The following MADD variants were observed in gnomAD, a reference collection of about 807,000 sequenced individuals.
The protein encoded by MADD is MAP kinase activating death domain.
In MADD, 109 loss-of-function variants were observed where a neutral mutation model predicts 176.7. The observed-to-expected ratio is 0.62, with a 90% CI of 0.53 to 0.72. The LOEUF is 0.72. Ranked by LOEUF, MADD falls within the 30% of genes least tolerant of loss-of-function variation. MADD has a pLI of 0.00. For synonymous variants in MADD, 771 were observed against 771.3 expected (o/e 1.00, Z 0.01); for missense variants, 1,914 against 2,045.5 (o/e 0.94, Z 1.24).
At chr11:47,326,203 C>T (rs996040316) in intron 30 of MADD, among the ~76,000 whole-genome samples, 11 of 152,268 alleles carry the variant, frequency 7.2e-5, no homozygotes, top group Non-Finnish European at 1.3e-4. Flanking sequence ...TTGTAAAACC[C>T]CAAGTAGGTG....
At chr11:47,324,979 T>G in intron 30 of MADD, 1 of 573,128 alleles carries the variant, frequency 1.7e-6, no homozygotes, top group African/African-American at 1.9e-5. Context: ...CCTTGTGTCT[T>G]TCTGGTGTGC....
chr11:47,271,792 T>C (rs866221437), intron 1 of MADD, among the ~76,000 whole-genome samples: 7 of 152,252 alleles, frequency 4.6e-5, no homozygotes, highest in Middle Eastern at 3.4e-3. Flanking sequence ...CAAATTATGC[T>C]TTTTACTCAT....
At chr11:47,290,968 T>G (rs2064658358) in intron 19 of MADD, 152 bp downstream of exon 20, 4 of 640,208 alleles carry the variant, frequency 6.2e-6, no homozygotes, top group Non-Finnish European at 1.1e-5. Flanking sequence ...TGGTGTTTCT[T>G]TGTACTTCTC....
chr11:47,305,038 C>T (rs146959425), intron 22 of MADD, among the ~76,000 whole-genome samples: 1 of 152,244 alleles, frequency 6.6e-6, no homozygotes, highest in East Asian at 1.9e-4. Flanking sequence ...ATGGGTGCCT[C>T]AAGAGTCCTA....
intron 27 of MADD, among the ~76,000 whole-genome samples, chr11:47,322,671 A>G (rs368346256): frequency 6.6e-6 from 1 of 152,158 alleles, no homozygotes; most frequent in Admixed American, 6.5e-5. Context: ...TGTCAAAGAT[A>G]TTTGCTTTTT....
At chr11:47,303,756 C>T (rs183261234) in intron 22 of MADD, among the ~76,000 whole-genome samples, 1 of 152,120 alleles carries the variant, frequency 6.6e-6, no homozygotes, top group Admixed American at 6.5e-5. Flanking sequence ...CAGGCATGCA[C>T]CACCACGCTC....
chr11:47,295,703 T>A, intron 21 of MADD, 124 bp downstream of exon 23: 1 of 1,555,730 alleles, frequency 6.4e-7, no homozygotes, highest in East Asian at 2.3e-5. Context: ...ATGGTGGAGA[T>A]GTTTACCATC....
intron 13 of MADD, 30 bp downstream of exon 13, chr11:47,285,224 G>A: frequency 1.2e-6 from 2 of 1,606,962 alleles, no homozygotes; most frequent in Non-Finnish European, 1.7e-6. Context: ...TTCTAGATGG[G>A]TGACTGAAGG....
At chr11:47,312,134 C>A (rs3847502) in intron 26 of MADD, among the ~76,000 whole-genome samples, 59,480 of 152,096 alleles carry the variant, frequency 0.39, 12,492 homozygotes, top group East Asian at 0.69. Flanking sequence ...ATGGTACCAA[C>A]GCAGTGATGG....
chr11:47,313,064 C>T (rs1333775673), intron 26 of MADD, among the ~76,000 whole-genome samples: 1 of 152,190 alleles, frequency 6.6e-6, no homozygotes, highest in Non-Finnish European at 1.5e-5. Flanking sequence ...TTCAGTTAAT[C>T]AAGTGAGCCT....
intron 14 of MADD, 58 bp from the exon 15 acceptor site, chr11:47,286,375 C>A: frequency 9.0e-7 from 1 of 1,105,720 alleles, no homozygotes. Flanking sequence ...AGTCATTAGT[C>A]TACTGCTTTG....
chr11:47,297,789 CTT>C (rs35063043), intron 22 of MADD, among the ~76,000 whole-genome samples: 17 of 113,352 alleles, frequency 1.5e-4, no homozygotes, highest in East Asian at 2.5e-4. Context: ...TTCTTTCTTT[CTT>C]TTTTTTTTTT....
At position 47,298,984 on chromosome 11, in the gene MADD, TG is replaced by T. The variant is rs563584172; in HGVS notation, c.3642+2931del. Among the ~76,000 whole-genome samples the T allele has an allele frequency of 2.4e-3, 360 of 152,346 alleles. 2 individuals carry two copies. The highest frequency in any genetic ancestry group is 8.2e-3 in the African/African-American group (341 of 41,592). On this transcript the variant is annotated intron_variant, in intron 22 of 32. Coordinates refer to ENST00000402192, the Ensembl canonical transcript of MADD. ...CTTGGTTCCTTTGTCAAAAAACAGT[TG>T]GCTATAAATATATGGATTTCTTTCT... is the stretch of plus-strand genomic sequence containing the variant.
At chr11:47,273,862 C>T (rs1687825881) in exon 2 of MADD, 2 of 1,503,108 alleles carry the variant, frequency 1.3e-6, no homozygotes, top group Non-Finnish European at 1.9e-6. Flanking sequence ...GGAATGCTGA[C>T]TCCTTGCTTG....
chr11:47,318,928 C>A (rs907166676), intron 27 of MADD, among the ~76,000 whole-genome samples: 1 of 149,054 alleles, frequency 6.7e-6, no homozygotes, highest in African/African-American at 2.5e-5. Context: ...CTGCCTCAGC[C>A]TCCTGAGTAG....
exon 9 of MADD, chr11:47,282,571 T>C: frequency 1.2e-6 from 2 of 1,614,222 alleles, no homozygotes; most frequent in Non-Finnish European, 1.7e-6. Flanking sequence ...CTTTGGGGAA[T>C]GGATCCTTAA....
exon 3 of MADD, chr11:47,274,771 T>C: frequency 6.2e-7 from 1 of 1,614,222 alleles, no homozygotes; most frequent in Non-Finnish European, 8.5e-7. Context: ...AGTCACGCGA[T>C]ATGGCATCTG....
intron 22 of MADD, among the ~76,000 whole-genome samples, chr11:47,300,853 G>T (rs1287042226): frequency 6.6e-6 from 1 of 152,162 alleles, no homozygotes; most frequent in East Asian, 1.9e-4. Flanking sequence ...GACTATTCAG[G>T]TTTCTGTTTC....
intron 27 of MADD, among the ~76,000 whole-genome samples, chr11:47,316,389 T>TC (rs1018799590): frequency 2.8e-4 from 39 of 137,532 alleles, no homozygotes; most frequent in African/African-American, 9.8e-4. Flanking sequence ...CTTTTTCTTT[T>TC]TTTTTTTTTT....
Sources: allele counts gnomAD v4.1 joint callset (sites outside exome capture counted in the v4.1 genomes callset), GRCh38; gene constraint gnomAD v4.1.1; transcripts MANE v1.5; gene names NCBI Gene and HGNC (gene_info 2026-07-23, HGNC 2026-07-21).